Variants in GRIK2 observed in about 807,000 individuals in gnomAD.
GRIK2 encodes glutamate receptor ionotropic, kainate 2.
Under a neutral mutation model 100.3 loss-of-function variants are expected in GRIK2, and 32 were observed. That is an observed-to-expected ratio of 0.32 (90% confidence interval 0.24 to 0.43). The LOEUF (loss-of-function observed/expected upper bound fraction) is 0.43, where lower values mean the gene tolerates loss of function less well. Ranked by LOEUF, GRIK2 falls within the 20% of genes least tolerant of loss-of-function variation. GRIK2 has a pLI of 1.00. For synonymous variants in GRIK2, 417 were observed against 389.4 expected, an observed-to-expected ratio of 1.07 and a Z score of -0.83; for missense variants, 843 against 1,114.9, an observed-to-expected ratio of 0.76 and a Z score of 3.47.
chr6:101,491,505 CATATAA>C (rs1582566080), intron 2 of GRIK2, among the ~76,000 whole-genome samples: 1 of 152,098 alleles, frequency 6.6e-6, no homozygotes, highest in South Asian at 2.1e-4. Flanking sequence ...AAAACTCACA[CATATAA>C]ATATAAAAAG....
intron 14 of GRIK2, among the ~76,000 whole-genome samples, chr6:101,941,275 A>G (rs1226210757): frequency 6.6e-6 from 1 of 152,130 alleles, no homozygotes; most frequent in Non-Finnish European, 1.5e-5. Context: ...ATTAAGAAGA[A>G]TTAAATGAAA....
chr6:101,794,686 G>C (rs564998786), intron 7 of GRIK2, among the ~76,000 whole-genome samples: 145 of 150,656 alleles, frequency 9.6e-4, no homozygotes, highest in African/African-American at 3.4e-3. Flanking sequence ...GAGCTTCTTT[G>C]CTATAATTAT....
intron 12 of GRIK2, among the ~76,000 whole-genome samples, chr6:101,892,989 G>A (rs1019774652): frequency 7.3e-5 from 11 of 151,180 alleles, no homozygotes; most frequent in African/African-American, 2.4e-4. Context: ...ACATAGTATT[G>A]AACTTTTACT....
chr6:101,825,530 T>A (rs1782265462), intron 10 of GRIK2, among the ~76,000 whole-genome samples: 1 of 152,090 alleles, frequency 6.6e-6, no homozygotes, highest in African/African-American at 2.4e-5. Flanking sequence ...CCTCATTTTT[T>A]ACTTCATATA....
At chr6:101,755,955 G>A (rs1032632922) in intron 7 of GRIK2, among the ~76,000 whole-genome samples, 1 of 152,042 alleles carries the variant, frequency 6.6e-6, no homozygotes, top group Non-Finnish European at 1.5e-5. Flanking sequence ...AACTCCTGGG[G>A]GAAAATGTTT....
intron 10 of GRIK2, among the ~76,000 whole-genome samples, chr6:101,857,452 A>G (rs559945995): frequency 2.6e-5 from 4 of 152,252 alleles, no homozygotes; most frequent in Admixed American, 2.6e-4. Context: ...AAGGAAGATG[A>G]AAATAATCTT....
At chr6:102,050,738 G>T (rs575150793) in intron 15 of GRIK2, among the ~76,000 whole-genome samples, 1 of 149,454 alleles carries the variant, frequency 6.7e-6, no homozygotes, top group African/African-American at 2.5e-5. Context: ...GGAACACAGA[G>T]GAATGAAAAA....
At position 101,555,780 on chromosome 6, in the gene GRIK2, AT is replaced by A. The variant is rs552589802; in HGVS notation, c.116-66162del. Among the ~76,000 whole-genome samples the A allele has an allele frequency of 2.3e-4, 35 of 152,246 alleles. 1 individual carries two copies. In the East Asian group the frequency reaches 2.7e-3, roughly 12 times the overall value. ...TTGATCTTTTTGATTGCATTACTCA[AT>A]TTTTTTATCTGTTTCTATTGAGGTA... On this transcript the variant is annotated intron_variant, in intron 2 of 16. Coordinates refer to ENST00000369134, the MANE Select transcript of GRIK2 (RefSeq NM_021956.5).
At chr6:101,879,151 A>G (rs973070682) in intron 11 of GRIK2, among the ~76,000 whole-genome samples, 1 of 152,062 alleles carries the variant, frequency 6.6e-6, no homozygotes, top group East Asian at 1.9e-4. Flanking sequence ...TTCTGCTTAC[A>G]TTCCTTGATC....
intron 15 of GRIK2, among the ~76,000 whole-genome samples, chr6:102,044,267 C>A (rs1770758783): frequency 6.6e-6 from 1 of 151,920 alleles, no homozygotes; most frequent in Non-Finnish European, 1.5e-5. Context: ...TCAATCAGTA[C>A]CTTGCTGAAA....
chr6:101,581,246 A>G (rs375773551), intron 2 of GRIK2, among the ~76,000 whole-genome samples: 2 of 143,702 alleles, frequency 1.4e-5, no homozygotes, highest in Admixed American at 7.0e-5. Context: ...ATATATGTGT[A>G]TATATACACA....
At chr6:101,919,094 T>C (rs1055588388) in intron 12 of GRIK2, among the ~76,000 whole-genome samples, 1 of 151,606 alleles carries the variant, frequency 6.6e-6, no homozygotes, top group Admixed American at 6.6e-5. Context: ...GTTAAAAATA[T>C]TGAGTCATAT....
chr6:101,481,781 C>T (rs1389750635), intron 2 of GRIK2, among the ~76,000 whole-genome samples: 1 of 152,150 alleles, frequency 6.6e-6, no homozygotes, highest in Non-Finnish European at 1.5e-5. Context: ...CCTGAAATCT[C>T]TTCTCCAATT....
chr6:101,611,383 G>T (rs1196276108), intron 2 of GRIK2, among the ~76,000 whole-genome samples: 1 of 151,822 alleles, frequency 6.6e-6, no homozygotes, highest in Non-Finnish European at 1.5e-5. Flanking sequence ...GAAGATGTAT[G>T]CAAGTGGACC....
At chr6:101,665,678 G>T (rs1303955060) in intron 4 of GRIK2, among the ~76,000 whole-genome samples, 1 of 152,162 alleles carries the variant, frequency 6.6e-6, no homozygotes, top group Admixed American at 6.6e-5. Context: ...GGAGGCTTTT[G>T]TTAGAATCCA....
intron 2 of GRIK2, among the ~76,000 whole-genome samples, chr6:101,483,939 A>G (rs893089347): frequency 1.3e-5 from 2 of 152,212 alleles, no homozygotes; most frequent in Non-Finnish European, 2.9e-5. Flanking sequence ...GTAGGGCATT[A>G]ATATGAATAT....
At chr6:101,719,740 G>A (rs1344556695) in intron 7 of GRIK2, among the ~76,000 whole-genome samples, 1 of 151,976 alleles carries the variant, frequency 6.6e-6, no homozygotes, top group Non-Finnish European at 1.5e-5. Context: ...GGCCCCCTCT[G>A]CCAGATAACA....
chr6:101,934,090 A>G (rs1179441822), intron 14 of GRIK2, among the ~76,000 whole-genome samples: 2 of 151,848 alleles, frequency 1.3e-5, no homozygotes, highest in East Asian at 3.9e-4. Context: ...GACAACTTCT[A>G]AGGAAGGTAG....
chr6:101,618,058 A>C (rs1333812652), intron 2 of GRIK2, among the ~76,000 whole-genome samples: 1 of 151,644 alleles, frequency 6.6e-6, no homozygotes, highest in Non-Finnish European at 1.5e-5. Flanking sequence ...TCTTAATTTT[A>C]AGAAAGTCTA....
Sources: gnomAD v4.1 joint callset for allele counts (sites outside exome capture counted in the v4.1 genomes callset) on GRCh38, gnomAD v4.1.1 for gene constraint, MANE v1.5 for transcripts, NCBI Gene and HGNC (gene_info 2026-07-23, HGNC 2026-07-21) for gene names.